The following SLC5A11 variants were observed in gnomAD, a reference collection of about 807,000 sequenced individuals.
SLC5A11 encodes the protein solute carrier family 5 member 11.
In SLC5A11, 48 loss-of-function variants were observed where a neutral mutation model predicts 69.8. The observed-to-expected ratio is 0.69, with a 90% CI of 0.55 to 0.87. The LOEUF (loss-of-function observed/expected upper bound fraction) is 0.87, where lower values mean the gene tolerates loss of function less well. Ranked by LOEUF, SLC5A11 falls within the 40% of genes least tolerant of loss-of-function variation. The pLI is 0.00. For missense variants in SLC5A11, 784 were observed against 866.1 expected, an observed-to-expected ratio of 0.91 and a Z score of 1.19; for synonymous variants, 319 against 342.4, an observed-to-expected ratio of 0.93 and a Z score of 0.75.
intron 10 of SLC5A11, among the ~76,000 whole-genome samples, 196 bp from the exon 12 acceptor site, chr16:24,906,461 A>T (rs892486743): frequency 6.6e-6 from 1 of 151,938 alleles, no homozygotes; most frequent in Non-Finnish European, 1.5e-5. Flanking sequence ...TCGTGTTATT[A>T]TCCTAGTTTT....
intron 7 of SLC5A11, among the ~76,000 whole-genome samples, chr16:24,882,979 C>A (rs1230481705): frequency 6.6e-6 from 1 of 152,178 alleles, no homozygotes; most frequent in East Asian, 1.9e-4. Context: ...GCAAACCCAA[C>A]AAGAATCCTC....
intron 1 of SLC5A11, among the ~76,000 whole-genome samples, chr16:24,851,990 T>C (rs2059330699): frequency 6.7e-6 from 1 of 150,358 alleles, no homozygotes; most frequent in Non-Finnish European, 1.5e-5. Context: ...TCTCTCTCTC[T>C]CTCTCCCACT....
At chr16:24,871,261 T>C (rs1343614028) in intron 4 of SLC5A11, among the ~76,000 whole-genome samples, 1 of 151,898 alleles carries the variant, frequency 6.6e-6, no homozygotes, top group Non-Finnish European at 1.5e-5. Flanking sequence ...TTATTTCTGC[T>C]TGTTTGTTTT....
At chr16:24,905,641 C>CGCGCGT (rs2050000409) in intron 10 of SLC5A11, among the ~76,000 whole-genome samples, 1 of 10,924 alleles carries the variant, frequency 9.2e-5, no homozygotes, top group South Asian at 2.1e-3. Context: ...CGCGCGCGCG[C>CGCGCGT]ACACACACAC....
At chr16:24,855,928 T>G (rs1567568842) in intron 1 of SLC5A11, among the ~76,000 whole-genome samples, 1 of 152,198 alleles carries the variant, frequency 6.6e-6, no homozygotes, top group South Asian at 2.1e-4. Flanking sequence ...CCCCTGCTTA[T>G]GTATGGTCTC....
intron 4 of SLC5A11, among the ~76,000 whole-genome samples, chr16:24,870,481 A>C (rs73553434): frequency 0.11 from 15,610 of 147,570 alleles, 1,538 homozygotes; most frequent in East Asian, 0.28. Context: ...AAAAAACACA[A>C]AAAAAAAACA....
intron 10 of SLC5A11, among the ~76,000 whole-genome samples, 163 bp from the exon 12 acceptor site, chr16:24,906,494 G>T (rs952298704): frequency 2.6e-5 from 4 of 152,170 alleles, no homozygotes; most frequent in Non-Finnish European, 4.4e-5. Flanking sequence ...ACTCGTCTCA[G>T]AAAGCGTAAG....
At chr16:24,853,096 T>C (rs2059383605) in intron 1 of SLC5A11, among the ~76,000 whole-genome samples, 1 of 150,442 alleles carries the variant, frequency 6.6e-6, no homozygotes, top group South Asian at 2.1e-4. Flanking sequence ...GGCACACAAC[T>C]AATGCCTAAT....
chr16:24,875,445 G>T (rs970574712), intron 5 of SLC5A11, among the ~76,000 whole-genome samples, 182 bp from the exon 7 acceptor site: 3 of 152,168 alleles, frequency 2.0e-5, no homozygotes, highest in Non-Finnish European at 4.4e-5. Context: ...GTCTCCCAAA[G>T]TGATGGGAAC....
rs138444103 is a variant in SLC5A11, at chr16:24,885,426, C to T, written c.664+1295C>T. Among the ~76,000 whole-genome samples the T allele has an allele frequency of 4.8e-3, 728 of 152,186 alleles. 6 individuals carry two copies. Among genetic ancestry groups the T allele is most frequent in the Non-Finnish European group, 7.1e-3 (482 of 68,014 alleles). On this transcript the variant is annotated intron_variant, in intron 8 of 15. Transcript: ENST00000347898. ...CTTTGGGAGGCCAAAGCAAGAGGATCGCTTGAGCTCAGGAGTTTGAGACCA... is the reference window on the plus strand; with the variant it reads ...CTTTGGGAGGCCAAAGCAAGAGGATTGCTTGAGCTCAGGAGTTTGAGACCA...
intron 10 of SLC5A11, among the ~76,000 whole-genome samples, chr16:24,902,790 C>T (rs926115633): frequency 6.6e-6 from 1 of 152,168 alleles, no homozygotes; most frequent in African/African-American, 2.4e-5. Context: ...CTGCCCATCT[C>T]GGCCTCCCAA....
In SLC5A11 at chr16:24,907,016, C is replaced by T. The variant is rs371788486; in HGVS notation, c.1115-9C>T. ...GGACCGAGGCCCATGACCTCCCTTC[C>T]GCCCCCAGGGCTCCGTGGGCTGATG... On this transcript the variant is annotated splice_polypyrimidine_tract_variant and intron_variant, in intron 11 of 15. Transcript: ENST00000347898. 2.1e-4 allele frequency: 332 copies of T among 1,613,026 alleles called. No individual in the cohort carries two copies. The highest frequency in any genetic ancestry group is 5.0e-4 in the Middle Eastern group (3 of 6,048).
intron 8 of SLC5A11, among the ~76,000 whole-genome samples, chr16:24,885,230 T>C (rs2048318567): frequency 6.6e-6 from 1 of 152,106 alleles, no homozygotes; most frequent in African/African-American, 2.4e-5. Context: ...TGGCCTCAGC[T>C]CTCTGATAGG....
chr16:24,888,083 A>T (rs12927084), intron 8 of SLC5A11, among the ~76,000 whole-genome samples: 1 of 151,964 alleles, frequency 6.6e-6, no homozygotes, highest in African/African-American at 2.4e-5. Context: ...TCATGAATGT[A>T]TCTTTTTCCA....
intron 1 of SLC5A11, among the ~76,000 whole-genome samples, chr16:24,849,585 AAAAAAAAAATATATATATATAT>A (rs1383961245): frequency 1.2e-5 from 1 of 86,938 alleles, no homozygotes; most frequent in Non-Finnish European, 2.6e-5. Flanking sequence ...AAAAAAAAAA[AAAAAAAAAATATATATATATAT>A]ATATATATAT....
chr16:24,861,718 G>T (rs2046563264), intron 2 of SLC5A11, among the ~76,000 whole-genome samples: 1 of 129,598 alleles, frequency 7.7e-6, no homozygotes. Flanking sequence ...GAAGGGAAGG[G>T]GCAGGCAGAA....
At chr16:24,906,295 C>G (rs1375099551) in intron 10 of SLC5A11, among the ~76,000 whole-genome samples, 1 of 149,008 alleles carries the variant, frequency 6.7e-6, no homozygotes, top group African/African-American at 2.5e-5. Context: ...GAGCTGAGAT[C>G]GTGCCACTGC....
rs2047161274 is a variant in SLC5A11, at chr16:24,869,882, C to T, written c.208-19C>T. On this transcript the variant is annotated intron_variant, in intron 3 of 15. Coordinates refer to ENST00000347898, the Ensembl canonical transcript of SLC5A11. ...CCTTGACTTTGTCTCCAAGATCTGA[C>T]CCGTCCATCTCCCCACAGGTGGGTG... The T allele has an allele frequency of 6.3e-7, 1 of 1,583,612 alleles. No individual in the cohort carries two copies. The highest frequency in any genetic ancestry group is 2.2e-5 in the East Asian group (1 of 44,708).
intron 1 of SLC5A11, among the ~76,000 whole-genome samples, chr16:24,850,641 T>C (rs1433058735): frequency 6.6e-6 from 1 of 152,160 alleles, no homozygotes; most frequent in Non-Finnish European, 1.5e-5. Context: ...AAACCTGGGT[T>C]GGAGCCCTGC....
Sources: allele counts gnomAD v4.1 joint callset (sites outside exome capture counted in the v4.1 genomes callset), GRCh38; gene constraint gnomAD v4.1.1; transcripts MANE v1.5; gene names NCBI Gene and HGNC (gene_info 2026-07-23, HGNC 2026-07-21).